Variants in CREG2 observed in about 807,000 individuals in gnomAD.
CREG2 encodes cellular repressor of E1A stimulated genes 2.
Under a neutral mutation model 26.2 loss-of-function variants are expected in CREG2, and 24 were observed. The ratio of observed to expected loss-of-function variants is 0.92; its 90% confidence interval spans 0.66 to 1.29. The LOEUF is 1.29. CREG2 is among the 50% of genes most tolerant of loss of function. The probability of loss-of-function intolerance (pLI) is 0.00; values close to 1 mark genes in which losing one functional copy is unlikely to be tolerated. For synonymous variants in CREG2, 174 were observed against 169.2 expected (o/e 1.03, Z -0.22); for missense variants, 366 against 398.6 (o/e 0.92, Z 0.70).
chr2:101,361,240 G>C (rs542116935), intron 2 of CREG2, among the ~76,000 whole-genome samples: 11 of 152,316 alleles, frequency 7.2e-5, no homozygotes, highest in African/African-American at 2.6e-4. Context: ...AGCTAAACTT[G>C]GTATCACTTC....
chr2:101,379,476 T>C (rs983906358), intron 2 of CREG2, among the ~76,000 whole-genome samples: 1 of 152,226 alleles, frequency 6.6e-6, no homozygotes, highest in African/African-American at 2.4e-5. Flanking sequence ...TCTGGAGCCA[T>C]GGATACTCAA....
At chr2:101,382,049 A>G (rs753604346) in intron 2 of CREG2, 3 of 152,178 alleles carry the variant, frequency 2.0e-5, no homozygotes, top group Admixed American at 1.3e-4. Flanking sequence ...TGTCCCAAGT[A>G]TATATTCTGT....
intron 3 of CREG2, 135 bp downstream of exon 3, chr2:101,355,118 G>T: frequency 4.8e-6 from 3 of 631,350 alleles, no homozygotes; most frequent in Non-Finnish European, 5.8e-6. Flanking sequence ...GCCAGGCTGA[G>T]CTTGGCCCTA....
In CREG2 at chr2:101,356,541, T is replaced by C. The variant is rs1684463000; in HGVS notation, c.612-1175A>G. Among the ~76,000 whole-genome samples the C allele has an allele frequency of 2.0e-5, 3 of 149,964 alleles. No individual in the cohort carries two copies. The South Asian group carries it at 6.3e-4, about 31-fold the overall frequency. ...CTAACAGGGTAGATCTCATGTCAGG[T>C]GGGTTTTCTTTCTTTTTTTTTAACT... On this transcript the variant is annotated intron_variant, in intron 2 of 3. Coordinates refer to ENST00000324768, the MANE Select transcript of CREG2 (RefSeq NM_153836.4).
chr2:101,353,792 G>T (rs1169680393), intron 3 of CREG2, among the ~76,000 whole-genome samples: 1 of 152,262 alleles, frequency 6.6e-6, no homozygotes, highest in South Asian at 2.1e-4. Flanking sequence ...CCATAGAAAA[G>T]GATGAGTTCA....
chr2:101,384,793 T>G (rs1481146748), intron 1 of CREG2, among the ~76,000 whole-genome samples: 1 of 152,164 alleles, frequency 6.6e-6, no homozygotes, highest in African/African-American at 2.4e-5. Context: ...CCCAGGAGTT[T>G]GAGGCAGCAG....
intron 2 of CREG2, among the ~76,000 whole-genome samples, chr2:101,365,501 A>G (rs1372117961): frequency 6.6e-6 from 1 of 152,200 alleles, no homozygotes. Flanking sequence ...CTTTGGTATG[A>G]CATCCTTCCC....
At chr2:101,384,194 C>G (rs1684928130) in intron 1 of CREG2, among the ~76,000 whole-genome samples, 1 of 152,120 alleles carries the variant, frequency 6.6e-6, no homozygotes, top group African/African-American at 2.4e-5. Flanking sequence ...CAGGAACTTT[C>G]TATTATTGTT....
chr2:101,357,115 C>T (rs1318970014), intron 2 of CREG2, among the ~76,000 whole-genome samples: 1 of 152,204 alleles, frequency 6.6e-6, no homozygotes, highest in Non-Finnish European at 1.5e-5. Flanking sequence ...TCTCAAACTC[C>T]TGACCCTGTG....
At chr2:101,382,972 G>A (rs974279581) in intron 2 of CREG2, 31 of 985,660 alleles carry the variant, frequency 3.1e-5, no homozygotes, top group Non-Finnish European at 3.6e-5. Flanking sequence ...CAGATAAAGG[G>A]GCCTGCATCA....
chr2:101,370,808 A>G (rs1160144749), intron 2 of CREG2, among the ~76,000 whole-genome samples: 1 of 152,154 alleles, frequency 6.6e-6, no homozygotes, highest in Non-Finnish European at 1.5e-5. Flanking sequence ...ACCTGCTCCC[A>G]GGCCCTGAGC....
chr2:101,368,272 C>T (rs1400147007), intron 2 of CREG2, among the ~76,000 whole-genome samples: 2 of 143,324 alleles, frequency 1.4e-5, no homozygotes, highest in East Asian at 2.0e-4. Flanking sequence ...TGGGCAACAG[C>T]GTGAGACTCC....
intron 2 of CREG2, among the ~76,000 whole-genome samples, chr2:101,359,639 G>C (rs1306765525): frequency 6.6e-6 from 1 of 152,116 alleles, no homozygotes; most frequent in Non-Finnish European, 1.5e-5. Flanking sequence ...GGTGGGGGTG[G>C]GATTGGGCCC....
At chr2:101,377,370 C>A (rs1233717046) in intron 2 of CREG2, among the ~76,000 whole-genome samples, 1 of 152,152 alleles carries the variant, frequency 6.6e-6, no homozygotes, top group Admixed American at 6.5e-5. Context: ...GAGAATATCA[C>A]CCCACAGACG....
chr2:101,373,182 G>A (rs918845802), intron 2 of CREG2, among the ~76,000 whole-genome samples: 3 of 152,178 alleles, frequency 2.0e-5, no homozygotes, highest in African/African-American at 7.2e-5. Flanking sequence ...CATCACTTAT[G>A]AGAGCCAAAA....
chr2:101,368,686 G>A (rs900907162), intron 2 of CREG2, among the ~76,000 whole-genome samples: 6 of 152,182 alleles, frequency 3.9e-5, no homozygotes, highest in African/African-American at 1.4e-4. Context: ...TAAGGTGGTG[G>A]GCAGGGAAAG....
intron 2 of CREG2, among the ~76,000 whole-genome samples, chr2:101,362,017 C>G (rs756008743): frequency 7.2e-5 from 11 of 152,206 alleles, no homozygotes; most frequent in Admixed American, 5.9e-4. Context: ...AGTCCATCCC[C>G]AGGTCCCGAG....
At chr2:101,371,075 C>A (rs925378206) in intron 2 of CREG2, among the ~76,000 whole-genome samples, 147 of 152,264 alleles carry the variant, frequency 9.7e-4, no homozygotes, top group African/African-American at 3.3e-3. Flanking sequence ...GCTACTCAGC[C>A]CTGGGTCCCT....
In CREG2 at chr2:101,370,730, G is replaced by A. The variant is rs551039822; in HGVS notation, c.611+12803C>T. Among the ~76,000 whole-genome samples the A allele has an allele frequency of 1.4e-4, 22 of 152,248 alleles. No homozygotes were observed. In the South Asian group the frequency reaches 4.6e-3, roughly 32 times the overall value. On this transcript the variant is annotated intron_variant, in intron 2 of 3. Coordinates refer to ENST00000324768, the MANE Select transcript of CREG2 (RefSeq NM_153836.4). ...CTGGGCTCAGGCTGCTCCTGAGCAG[G>A]GTTTAGTCATGCTGAAGCCCACCAA...
Sources: gnomAD v4.1 joint callset for allele counts (sites outside exome capture counted in the v4.1 genomes callset) on GRCh38, gnomAD v4.1.1 for gene constraint, MANE v1.5 for transcripts, NCBI Gene and HGNC (gene_info 2026-07-23, HGNC 2026-07-21) for gene names.